The following PCNX1 variants were observed in gnomAD, a reference collection of about 807,000 sequenced individuals.
The protein encoded by PCNX1 is pecanex-like protein 1.
Under a neutral mutation model 242.2 loss-of-function variants are expected in PCNX1, and 78 were observed. The observed-to-expected ratio is 0.32, with a 90% CI of 0.27 to 0.39. The LOEUF (loss-of-function observed/expected upper bound fraction) is 0.39. Among genes scored for constraint, PCNX1 ranks in the 10% least tolerant of loss-of-function variants. The pLI is 1.00. For missense variants in PCNX1, 2,581 were observed against 2,856.5 expected (o/e 0.90, Z 2.20); for synonymous variants, 1,024 against 1,032.9 (o/e 0.99, Z 0.17).
chr14:71,075,546 G>A (rs2061696019), intron 27 of PCNX1, among the ~76,000 whole-genome samples: 2 of 136,468 alleles, frequency 1.5e-5, no homozygotes, highest in Non-Finnish European at 3.2e-5. Flanking sequence ...AATAAATGCA[G>A]CACAGTAAAG....
chr14:71,098,553 T>TGTGTGTGTGAGTGAGAGAGA (rs60367565), intron 30 of PCNX1, among the ~76,000 whole-genome samples: 4 of 125,736 alleles, frequency 3.2e-5, no homozygotes, highest in Non-Finnish European at 6.6e-5. Flanking sequence ...TGTGTGTGTG[T>TGTGTGTGTGAGTGAGAGAGA]GAGAGAGAGA....
At chr14:71,022,595 GAGA>G (rs2060133913) in intron 12 of PCNX1, among the ~76,000 whole-genome samples, 1 of 152,114 alleles carries the variant, frequency 6.6e-6, no homozygotes, top group African/African-American at 2.4e-5. Context: ...TGAAACTTGG[GAGA>G]AAAGTCATGA....
intron 23 of PCNX1, 72 bp downstream of exon 23, chr14:71,050,832 G>A (rs2061006740): frequency 7.4e-7 from 1 of 1,352,354 alleles, no homozygotes; most frequent in South Asian, 1.2e-5. Flanking sequence ...TTATAGGCAT[G>A]ACCTTTCATG....
At chr14:71,104,615 A>G (rs1308659020) in intron 32 of PCNX1, among the ~76,000 whole-genome samples, 1 of 152,170 alleles carries the variant, frequency 6.6e-6, no homozygotes, top group Non-Finnish European at 1.5e-5. Context: ...GTCACTGAAC[A>G]GACATTGGCA....
intron 33 of PCNX1, among the ~76,000 whole-genome samples, chr14:71,105,960 C>T (rs1192770648): frequency 6.7e-6 from 1 of 149,302 alleles, no homozygotes; most frequent in Non-Finnish European, 1.5e-5. Flanking sequence ...GATAATTCAA[C>T]ATAAACATTT....
At chr14:71,102,302 T>A in intron 31 of PCNX1, 82 bp downstream of exon 31, 3 of 926,632 alleles carry the variant, frequency 3.2e-6, no homozygotes, top group Non-Finnish European at 5.1e-6. Context: ...TGAGACAGAG[T>A]CTCACTTTGG....
chr14:70,963,770 T>C (rs1030200568), intron 3 of PCNX1, among the ~76,000 whole-genome samples: 1 of 152,222 alleles, frequency 6.6e-6, no homozygotes, highest in Admixed American at 6.5e-5. Flanking sequence ...TCTAAACATG[T>C]ACAGATCTAA....
chr14:71,056,583 T>A (rs1485003622), intron 25 of PCNX1, among the ~76,000 whole-genome samples: 1 of 152,230 alleles, frequency 6.6e-6, no homozygotes, highest in Non-Finnish European at 1.5e-5. Flanking sequence ...ATACTATGCT[T>A]GGGGCATGCA....
chr14:70,923,735 T>C (rs929142835), intron 1 of PCNX1, among the ~76,000 whole-genome samples: 3 of 152,234 alleles, frequency 2.0e-5, no homozygotes, highest in African/African-American at 7.2e-5. Context: ...GTTTTAATAG[T>C]GAATAGTATT....
At chr14:71,063,748 A>G (rs1027589132) in intron 26 of PCNX1, among the ~76,000 whole-genome samples, 20 of 152,184 alleles carry the variant, frequency 1.3e-4, no homozygotes, top group African/African-American at 4.3e-4. Context: ...TTATTTGTCT[A>G]TCCTGGATGC....
chr14:71,095,725 C>T (rs998125830), intron 30 of PCNX1, among the ~76,000 whole-genome samples: 14 of 151,894 alleles, frequency 9.2e-5, no homozygotes, highest in African/African-American at 3.4e-4. Context: ...TCCAAATCAC[C>T]ACATACAGAG....
At chr14:70,962,090 T>C in intron 2 of PCNX1, 136 bp from the exon 3 acceptor site, 1 of 618,438 alleles carries the variant, frequency 1.6e-6, no homozygotes, top group Non-Finnish European at 2.9e-6. Context: ...TTGTTTACCT[T>C]TTTTGCTATT....
Position 71,047,071 on chromosome 14 carries a change from G to A in PCNX1, c.4126G>A (p.Glu1376Lys), listed in dbSNP as rs760062833. 4 of 1,609,986 alleles carry A rather than the reference G, an allele frequency of 2.5e-6. No individual in the cohort carries two copies. Among genetic ancestry groups the A allele is most frequent in the South Asian group, 1.1e-5 (1 of 90,650 alleles). Residue 1376 changes from glutamate to lysine, a missense_variant, in exon 21 of 36, where the codon GAG becomes AAG. Physicochemically the swap from Glu to Lys is moderately conservative, Grantham distance 56. Transcript: ENST00000304743. ...IVLNELSSSA[E>K]TIASPKKLNT... ...TCTCAATGAACTGAGCAGCAGTGCA[G>A]AGACAATTGCTAGTCCAAAGAAACT... is the stretch of plus-strand genomic sequence containing the variant.
intron 24 of PCNX1, among the ~76,000 whole-genome samples, chr14:71,054,504 T>C (rs576805797): frequency 6.6e-6 from 1 of 152,318 alleles, no homozygotes; most frequent in South Asian, 2.1e-4. Flanking sequence ...AAATTTGGAT[T>C]TTTATTATTG....
chr14:70,978,910 T>C (rs796849536), intron 6 of PCNX1, among the ~76,000 whole-genome samples: 5 of 152,280 alleles, frequency 3.3e-5, no homozygotes, highest in African/African-American at 1.2e-4. Flanking sequence ...CTAAGCCAGT[T>C]GCCACCTGTT....
At chr14:70,924,272 A>G (rs1024822285) in intron 1 of PCNX1, among the ~76,000 whole-genome samples, 17 of 151,780 alleles carry the variant, frequency 1.1e-4, no homozygotes, top group Non-Finnish European at 1.3e-4. Context: ...ACAGAAAAAA[A>G]CCTACCAAAT....
chr14:71,059,524 C>A (rs2061270366), intron 26 of PCNX1, among the ~76,000 whole-genome samples: 1 of 151,996 alleles, frequency 6.6e-6, no homozygotes, highest in African/African-American at 2.4e-5. Flanking sequence ...GTTGGGACTA[C>A]AGGTGCACAC....
intron 6 of PCNX1, among the ~76,000 whole-genome samples, chr14:70,985,151 T>A (rs555424462): frequency 1.4e-4 from 21 of 152,342 alleles, no homozygotes; most frequent in African/African-American, 4.3e-4. Context: ...TGCATCAGTA[T>A]AACAAAAGGA....
chr14:70,944,221 T>G (rs1000141408), intron 1 of PCNX1, among the ~76,000 whole-genome samples: 1 of 151,788 alleles, frequency 6.6e-6, no homozygotes, highest in Non-Finnish European at 1.5e-5. Context: ...CCACAGACAC[T>G]CAGTGCAAGC....
Sources: allele counts gnomAD v4.1 joint callset (sites outside exome capture counted in the v4.1 genomes callset), GRCh38; gene constraint gnomAD v4.1.1; transcripts MANE v1.5; gene names NCBI Gene and HGNC (gene_info 2026-07-23, HGNC 2026-07-21).